Variants in PCDHA12 observed in about 807,000 individuals in gnomAD.
PCDHA12 encodes protocadherin alpha 12, also known as protocadherin alpha-12.
Under a neutral mutation model 60.0 loss-of-function variants are expected in PCDHA12, and 44 were observed. The ratio of observed to expected loss-of-function variants is 0.73; its 90% CI spans 0.58 to 0.94. The LOEUF (loss-of-function observed/expected upper bound fraction) is 0.94, where lower values mean the gene tolerates loss of function less well. PCDHA12 is among the 40% of genes least tolerant of loss of function. The pLI is 0.00. For missense variants in PCDHA12, 1,276 were observed against 1,239.7 expected (o/e 1.03, Z -0.44); for synonymous variants, 569 against 553.0 (o/e 1.03, Z -0.40).
intron 1 of PCDHA12, among the ~76,000 whole-genome samples, chr5:140,890,587 G>T (rs2062701287): frequency 6.6e-6 from 1 of 151,988 alleles, no homozygotes; most frequent in African/African-American, 2.4e-5. Flanking sequence ...TTATTTGGAA[G>T]CCCTTTTCCG....
intron 1 of PCDHA12, among the ~76,000 whole-genome samples, chr5:140,945,509 GTAAA>G (rs1266877059): frequency 6.6e-6 from 1 of 151,782 alleles, no homozygotes; most frequent in Non-Finnish European, 1.5e-5. Context: ...ATTGAGCAAA[GTAAA>G]TAAATAAATA....
chr5:140,945,829 A>G (rs1472344558), intron 1 of PCDHA12, among the ~76,000 whole-genome samples: 1 of 152,180 alleles, frequency 6.6e-6, no homozygotes, highest in Non-Finnish European at 1.5e-5. Flanking sequence ...ACAAAAGTCA[A>G]CTCAAAATGG....
chr5:140,946,765 T>C (rs1255265012), intron 1 of PCDHA12, among the ~76,000 whole-genome samples: 2 of 151,428 alleles, frequency 1.3e-5, no homozygotes, highest in African/African-American at 4.9e-5. Flanking sequence ...ATCTCATTCA[T>C]GTGGAATGTA....
At chr5:140,918,232 A>G (rs2078581718) in intron 1 of PCDHA12, among the ~76,000 whole-genome samples, 1 of 152,166 alleles carries the variant, frequency 6.6e-6, no homozygotes, top group African/African-American at 2.4e-5. Flanking sequence ...ATTTTTGTAC[A>G]TTGATTTTGT....
Position 140,886,842 on chromosome 5 carries a change from A to AG in PCDHA12, c.2367+9003_2367+9004insG, listed in dbSNP as rs1190647876. ...ACTTCGTCTTGAAAAAAAAAAAAAA[A>AG]AAAAAGAAAGGTCTTCCCAACTCCT... is the stretch of plus-strand genomic sequence containing the variant. On this transcript the variant is annotated intron_variant, in intron 1 of 3. Coordinates refer to ENST00000398631, the MANE Select transcript of PCDHA12 (RefSeq NM_018903.4). 2.4e-3 allele frequency among the ~76,000 whole-genome samples: 362 copies of AG among 151,632 alleles called. 2 individuals are homozygous for AG. Among genetic ancestry groups the AG allele is most frequent in the Middle Eastern group, 0.014 (4 of 292 alleles).
intron 1 of PCDHA12, among the ~76,000 whole-genome samples, chr5:140,892,823 C>T (rs1554185387): frequency 6.6e-6 from 1 of 152,120 alleles, no homozygotes; most frequent in East Asian, 1.9e-4. Context: ...TCCTACAGTG[C>T]TACAGTGCTG....
chr5:140,878,047 G>A lies in PCDHA12; in HGVS notation c.2367+208G>A, dbSNP rs574540860. On this transcript the variant is annotated intron_variant, in intron 1 of 3. Transcript: ENST00000398631. Reference sequence around the variant, plus strand: ...ATGTAGGTACAATGGAGGCCATGGAGCACCACACTTAATATTTTTCTTTTT... The same window carrying A: ...ATGTAGGTACAATGGAGGCCATGGAACACCACACTTAATATTTTTCTTTTT... The A allele has an allele frequency of 1.7e-4, 84 of 491,464 alleles. No homozygotes were observed. In the South Asian group the frequency reaches 4.9e-3, roughly 29 times the overall value. 30.4% of individuals were successfully genotyped at this position (491,464 alleles called of 1,614,324 possible).
chr5:140,955,796 A>G (rs1432865248), intron 1 of PCDHA12, among the ~76,000 whole-genome samples: 3 of 152,004 alleles, frequency 2.0e-5, no homozygotes, highest in Non-Finnish European at 4.4e-5. Context: ...ATGTTTTTCT[A>G]TTTGTTTGTG....
rs782687154 is a variant in PCDHA12, at chr5:140,876,120, T to C, written c.648T>C (p.Asp216=). Residue 216 remains aspartate (D), a synonymous_variant, in exon 1 of 4, where the codon GAT becomes GAC. Transcript: ENST00000398631. Reference sequence around the variant, plus strand: ...TCAATTTATTGCTGATGGTAATCGATGGCGGTAAACCAGAACTAACAGGGT... The same window carrying C: ...TCAATTTATTGCTGATGGTAATCGACGGCGGTAAACCAGAACTAACAGGGT... ...PKLNLLLMVI[D]GGKPELTGSV... is the part of the protein sequence containing the mutation. 15 of 1,613,844 alleles carry C rather than the reference T, an allele frequency of 9.3e-6. No individual in the cohort carries two copies. The highest frequency in any genetic ancestry group is 6.7e-5 in the East Asian group (3 of 44,904).
At chr5:140,920,388 T>C (rs1237249131) in intron 1 of PCDHA12, among the ~76,000 whole-genome samples, 1 of 152,214 alleles carries the variant, frequency 6.6e-6, no homozygotes, top group Non-Finnish European at 1.5e-5. Context: ...CATATTACCA[T>C]CTGGTGTCTT....
At chr5:140,943,791 C>G (rs74565063) in intron 1 of PCDHA12, among the ~76,000 whole-genome samples, 2,339 of 152,200 alleles carry the variant, frequency 0.015, 18 homozygotes, top group Middle Eastern at 0.027. Flanking sequence ...GTCCTTTATG[C>G]AAAGCAAAAG....
rs1222255074 is a variant in PCDHA12 at position 141,012,119 on chromosome 5, A to G, written c.*2182A>G. ...CATTTTGCCCCACTGAAGCCCATGT[A>G]TCTGACCTTACGTGCCTTTTGAACT... On this transcript the variant is annotated 3_prime_UTR_variant, in exon 4 of 4. Coordinates refer to ENST00000398631, the MANE Select transcript of PCDHA12 (RefSeq NM_018903.4). 6.5e-6 allele frequency: 1 copy of G among 153,734 alleles called. No individual in the cohort carries two copies. Among genetic ancestry groups the G allele is most frequent in the African/African-American group, 2.4e-5 (1 of 41,454 alleles). 9.5% of individuals were successfully genotyped at this position (153,734 alleles called of 1,614,324 possible). A position where few individuals can be genotyped will look rare whatever the true frequency, so the allele number is the denominator to read the frequency against.
chr5:140,876,344 G>T lies in PCDHA12; in HGVS notation c.872G>T (p.Cys291Phe), dbSNP rs1554168492. Residue 291 changes from cysteine to phenylalanine, a missense_variant, in exon 1 of 4, where the codon TGT (cysteine) becomes TTT (phenylalanine). Physicochemically the swap from Cys to Phe is radical, Grantham distance 205 (BLOSUM62 -2). Coordinates refer to ENST00000398631, the MANE Select transcript of PCDHA12 (RefSeq NM_018903.4). ...IKMILPVSEK[C>F]MFSINPDTGE... Reference sequence around the variant, plus strand: ...ATGATTTTGCCAGTGAGTGAGAAATGTATGTTTTCAATAAATCCAGACACA... The same window carrying T: ...ATGATTTTGCCAGTGAGTGAGAAATTTATGTTTTCAATAAATCCAGACACA... 1 of 1,614,040 alleles carries T rather than the reference G, an allele frequency of 6.2e-7. No homozygotes were observed. The highest frequency in any genetic ancestry group is 1.7e-5 in the Admixed American group (1 of 60,036).
rs1554228572 is a variant in PCDHA12 at position 140,966,716 on chromosome 5, G to A, written c.2368-12233G>A. On this transcript the variant is annotated intron_variant, in intron 1 of 3. Transcript: ENST00000398631. Reference sequence around the variant, plus strand: ...GGCCCGGGCGTGGGGCACGGCTGGGGAAGCTGCCGCCTCCGGCCCTGCCCG... The same window carrying A: ...GGCCCGGGCGTGGGGCACGGCTGGGAAAGCTGCCGCCTCCGGCCCTGCCCG... The A allele has an allele frequency of 2.3e-5, 32 of 1,394,682 alleles. No homozygotes were observed. The South Asian group carries it at 5.0e-4, about 22-fold the overall frequency. The allele number at this position is 1,394,682 out of a possible 1,614,324, so 86.4% of individuals were successfully genotyped here. A position where few individuals can be genotyped will look rare whatever the true frequency, so the allele number is the denominator to read the frequency against.
chr5:140,908,494 C>A (rs559456993), intron 1 of PCDHA12, among the ~76,000 whole-genome samples: 1 of 152,310 alleles, frequency 6.6e-6, no homozygotes, highest in East Asian at 1.9e-4. Flanking sequence ...GTTCAGGTTG[C>A]TTGGTGACTT....
chr5:140,969,880 A>G (rs1365035569), intron 1 of PCDHA12, among the ~76,000 whole-genome samples: 2 of 152,238 alleles, frequency 1.3e-5, no homozygotes, highest in Non-Finnish European at 2.9e-5. Flanking sequence ...CCTATGTGAT[A>G]GGATCCTCTG....
chr5:141,004,697 T>A (rs2098177211), intron 3 of PCDHA12, among the ~76,000 whole-genome samples: 3 of 152,184 alleles, frequency 2.0e-5, no homozygotes, highest in Admixed American at 2.0e-4. Flanking sequence ...AAACCCAGTT[T>A]TAGGTGCCGA....
intron 1 of PCDHA12, chr5:140,927,194 T>C (rs2083959275): frequency 1.2e-6 from 2 of 1,614,122 alleles, no homozygotes; most frequent in Non-Finnish European, 1.7e-6. Context: ...GACCTGGTGC[T>C]CGAGGACCCG....
At chr5:140,894,044 T>C (rs2064295340) in intron 1 of PCDHA12, among the ~76,000 whole-genome samples, 1 of 152,190 alleles carries the variant, frequency 6.6e-6, no homozygotes, top group Admixed American at 6.5e-5. Context: ...ATGTAAGTCC[T>C]CTGTTGAATT....
Sources: allele counts gnomAD v4.1 joint callset (sites outside exome capture counted in the v4.1 genomes callset), GRCh38; gene constraint gnomAD v4.1.1; transcripts MANE v1.5; gene names NCBI Gene and HGNC (gene_info 2026-07-23, HGNC 2026-07-21).